The following HIP1 variants were observed in gnomAD, a reference collection of about 807,000 sequenced individuals.
The protein encoded by HIP1 is huntingtin-interacting protein 1.
Under a neutral mutation model 147.6 loss-of-function variants are expected in HIP1, and 65 were observed. That is an observed-to-expected ratio of 0.44 (90% CI 0.36 to 0.54). HIP1 has a LOEUF of 0.54. Among genes scored for constraint, HIP1 ranks in the 20% least tolerant of loss-of-function variants. The pLI, the probability that HIP1 is intolerant of heterozygous loss-of-function variation, is 0.00. For missense variants in HIP1, 1,061 were observed against 1,299.6 expected (o/e 0.82, Z 2.82); for synonymous variants, 479 against 504.0 (o/e 0.95, Z 0.67).
intron 1 of HIP1, among the ~76,000 whole-genome samples, chr7:75,605,660 G>A (rs940620558): frequency 2.0e-5 from 3 of 152,092 alleles, no homozygotes; most frequent in African/African-American, 4.8e-5. Flanking sequence ...AGCCTCCGAA[G>A]TAGCTGGGAT....
chr7:75,692,293 G>A (rs1288212618), intron 1 of HIP1, among the ~76,000 whole-genome samples: 2 of 151,778 alleles, frequency 1.3e-5, no homozygotes, highest in African/African-American at 2.4e-5. Flanking sequence ...GGGTCTTGCT[G>A]TATTGGCCAG....
intron 1 of HIP1, among the ~76,000 whole-genome samples, chr7:75,725,718 A>G (rs781993772): frequency 4.6e-5 from 7 of 152,296 alleles, no homozygotes; most frequent in Non-Finnish European, 8.8e-5. Flanking sequence ...TATTATGTAT[A>G]CATCCATCTA....
intron 21 of HIP1, 91 bp downstream of exon 21, chr7:75,554,022 G>A (rs1193016917): frequency 7.8e-6 from 7 of 895,934 alleles, no homozygotes; most frequent in Non-Finnish European, 1.2e-5. Context: ...TGGAGTTACA[G>A]GCATGAGCCA....
rs782111137 is a variant in HIP1 at position 75,536,194 on chromosome 7, A to G, written c.*1978T>C. Reference sequence around the variant, plus strand: ...TTGAATCAAAAAAATACTAAGCAGAAAGCAGCATTCAACATTAAGACTGCC... The same window carrying G: ...TTGAATCAAAAAAATACTAAGCAGAGAGCAGCATTCAACATTAAGACTGCC... On this transcript the variant is annotated 3_prime_UTR_variant, in exon 31 of 31. Transcript: ENST00000336926. The G allele has an allele frequency of 9.6e-6, 2 of 209,392 alleles. No individual in the cohort carries two copies. Among genetic ancestry groups the G allele is most frequent in the Non-Finnish European group, 1.9e-5 (2 of 103,172 alleles). 13.0% of individuals were successfully genotyped at this position (209,392 alleles called of 1,614,324 possible). A position where few individuals can be genotyped will look rare whatever the true frequency, so the allele number is the denominator to read the frequency against.
At chr7:75,717,927 G>A (rs946074944) in intron 1 of HIP1, among the ~76,000 whole-genome samples, 1 of 151,024 alleles carries the variant, frequency 6.6e-6, no homozygotes, top group East Asian at 1.9e-4. Flanking sequence ...CTGAGATCAC[G>A]CCACTGCATT....
At chr7:75,580,721 A>G (rs1273878541) in intron 7 of HIP1, among the ~76,000 whole-genome samples, 1 of 151,972 alleles carries the variant, frequency 6.6e-6, no homozygotes, top group Non-Finnish European at 1.5e-5. Context: ...CCTGGGCGAC[A>G]GAGTGAGACC....
intron 1 of HIP1, among the ~76,000 whole-genome samples, chr7:75,671,934 C>T (rs1474707907): frequency 2.6e-5 from 4 of 152,056 alleles, no homozygotes; most frequent in South Asian, 2.1e-4. Context: ...AGATTTTCAC[C>T]GTGTTGGTCA....
At chr7:75,583,063 C>T (rs1221098294) in intron 5 of HIP1, among the ~76,000 whole-genome samples, 13 of 152,272 alleles carry the variant, frequency 8.5e-5, no homozygotes, top group South Asian at 2.1e-4. Flanking sequence ...CTGGCTGCAT[C>T]GCCCAGGCCT....
intron 1 of HIP1, among the ~76,000 whole-genome samples, chr7:75,677,603 TAAA>T (rs60860713): frequency 5.8e-4 from 55 of 94,506 alleles, no homozygotes; most frequent in Admixed American, 1.6e-3. Context: ...AGACTCCATC[TAAA>T]AAAAAAAAAA....
At chr7:75,692,609 T>C (rs1468912690) in intron 1 of HIP1, among the ~76,000 whole-genome samples, 3 of 151,602 alleles carry the variant, frequency 2.0e-5, no homozygotes, top group South Asian at 2.1e-4. Context: ...TTTGTATTTT[T>C]AGTAGAGATG....
chr7:75,697,744 G>A (rs942383619), intron 1 of HIP1, among the ~76,000 whole-genome samples: 2 of 152,144 alleles, frequency 1.3e-5, no homozygotes, highest in Admixed American at 6.5e-5. Context: ...CCCAGGAGGC[G>A]GAGTTTGCAG....
intron 1 of HIP1, among the ~76,000 whole-genome samples, chr7:75,624,358 G>A (rs1196134167): frequency 6.6e-6 from 1 of 152,194 alleles, no homozygotes; most frequent in Non-Finnish European, 1.5e-5. Flanking sequence ...GACTTCCTCA[G>A]AAAGCAAAGC....
chr7:75,662,069 G>A (rs1212549100), intron 1 of HIP1, among the ~76,000 whole-genome samples: 1 of 151,042 alleles, frequency 6.6e-6, no homozygotes, highest in African/African-American at 2.4e-5. Flanking sequence ...AGCCACAAGG[G>A]GTGAAGGTGG....
In HIP1 at chr7:75,634,467, G is replaced by A. The variant is rs191007712; in HGVS notation, c.121-35220C>T. Among the ~76,000 whole-genome samples, 548 of 152,142 alleles carry A rather than the reference G, an allele frequency of 3.6e-3. 1 individual carries two copies. Among genetic ancestry groups the A allele is most frequent in the African/African-American group, 0.013 (520 of 41,486 alleles). ...TTCATTACCTTTTATTTATTATATC[G>A]CTATAGCGCATACTTTGACTGTCAG... is the stretch of plus-strand genomic sequence containing the variant. On this transcript the variant is annotated intron_variant, in intron 1 of 30. Transcript: ENST00000336926.
Position 75,537,952 on chromosome 7 carries a change from T to C in HIP1, c.*220A>G. The C allele has an allele frequency of 1.7e-6, 1 of 585,250 alleles. No homozygotes were observed. 36.3% of individuals were successfully genotyped at this position (585,250 alleles called of 1,614,324 possible). On this transcript the variant is annotated 3_prime_UTR_variant, in exon 31 of 31. Transcript: ENST00000336926. ...AGCACTGGCCAGCCTGGATGCTAACTAGGGAGGCGGGAAAAGAACAGAGAT... is the reference window on the plus strand; with the variant it reads ...AGCACTGGCCAGCCTGGATGCTAACCAGGGAGGCGGGAAAAGAACAGAGAT...
intron 1 of HIP1, among the ~76,000 whole-genome samples, chr7:75,614,392 G>GACAC (rs148907808): frequency 1.3e-5 from 2 of 150,344 alleles, no homozygotes; most frequent in African/African-American, 2.4e-5. Flanking sequence ...CACACACATA[G>GACAC]ACACACACAC....
chr7:75,592,552 C>T, intron 2 of HIP1, 38 bp from the exon 3 acceptor site: 1 of 1,599,556 alleles, frequency 6.3e-7, no homozygotes, highest in Non-Finnish European at 8.5e-7. Context: ...ATGGGCTCTG[C>T]CAGTCACTGC....
intron 11 of HIP1, among the ~76,000 whole-genome samples, chr7:75,562,372 C>T (rs1488781234): frequency 2.0e-5 from 3 of 152,212 alleles, no homozygotes; most frequent in African/African-American, 7.2e-5. Flanking sequence ...TCACTGCAGC[C>T]TCCAACTCCT....
At chr7:75,619,316 A>G (rs1337324482) in intron 1 of HIP1, among the ~76,000 whole-genome samples, 1 of 152,174 alleles carries the variant, frequency 6.6e-6, no homozygotes, top group Admixed American at 6.5e-5. Context: ...TGAGGTCAAG[A>G]GTTTGAGACC....
Sources: allele counts gnomAD v4.1 joint callset (sites outside exome capture counted in the v4.1 genomes callset), GRCh38; gene constraint gnomAD v4.1.1; transcripts MANE v1.5; gene names NCBI Gene and HGNC (gene_info 2026-07-23, HGNC 2026-07-21).